The following CPLANE1 variants were observed in gnomAD, a reference collection of about 807,000 sequenced individuals.
The protein encoded by CPLANE1 is ciliogenesis and planar polarity effector complex subunit 1, also known as ciliogenesis and planar polarity effector 1.
Under a neutral mutation model 362.5 loss-of-function variants are expected in CPLANE1, and 263 were observed. The ratio of observed to expected loss-of-function variants is 0.73; its 90% CI spans 0.66 to 0.80. CPLANE1 has a LOEUF of 0.80. Among genes scored for constraint, CPLANE1 ranks in the 30% least tolerant of loss-of-function variants. The pLI, the probability that CPLANE1 is intolerant of heterozygous loss-of-function variation, is 0.00. For synonymous variants in CPLANE1, 1,212 were observed against 1,302.6 expected (o/e 0.93, Z 1.50); for missense variants, 3,461 against 3,793.4 (o/e 0.91, Z 2.30).
At chr5:37,238,827 G>T in intron 8 of CPLANE1, 30 bp downstream of exon 8, 8 of 1,306,596 alleles carry the variant, frequency 6.1e-6, no homozygotes, top group Non-Finnish European at 6.2e-6. Flanking sequence ...AAGAAAAAAA[G>T]AAAAAAAAGA....
Position 37,226,537 on chromosome 5 carries a change from TAAA to T in CPLANE1, c.2055_2057del (p.Leu686del). 6.5e-7 allele frequency: 1 copy of T among 1,548,700 alleles called. No individual in the cohort carries two copies. The highest frequency in any genetic ancestry group is 8.7e-7 in the Non-Finnish European group (1 of 1,145,918). On this transcript the variant is annotated inframe_deletion, in exon 12 of 53. Transcript: ENST00000651892. ...CCATTTTGAGTAAATAAAAACAAGCTAAAAGTTTCTCTGAGAATAACTGACCCT... is the reference window on the plus strand; with the variant it reads ...CCATTTTGAGTAAATAAAAACAAGCTAGTTTCTCTGAGAATAACTGACCCT...
rs752727888 is a variant in CPLANE1 at position 37,121,775 on chromosome 5, G to C, written c.9027C>G (p.Leu3009=). The change falls in exon 49 of 53, where the codon CTC becomes CTG. Residue 3009 remains leucine (L), a synonymous_variant. Transcript: ENST00000651892. ...AGATTCGACGACTATAGTGTTCAGA[G>C]AGCAGCAATCTGTAGACAAAGAATT... ...KMKHEKDRLL[L]SEHYSRRISQ... 1.2e-6 allele frequency: 2 copies of C among 1,613,380 alleles called. No individual in the cohort carries two copies. Among genetic ancestry groups the C allele is most frequent in the Non-Finnish European group, 1.7e-6 (2 of 1,179,406 alleles).
chr5:37,182,580 C>A (rs999970578), intron 26 of CPLANE1, among the ~76,000 whole-genome samples, 180 bp downstream of exon 26: 6 of 151,938 alleles, frequency 3.9e-5, no homozygotes, highest in South Asian at 2.1e-4. Flanking sequence ...TCTGAAAGCA[C>A]TTTATTGTTA....
chr5:37,085,013 C>T, the CPLANE1 span: 3 of 600,714 alleles, frequency 5.0e-6, no homozygotes, highest in Admixed American at 2.8e-5. Context: ...AGAATTCTTA[C>T]ACACACCGGA....
chr5:37,187,908 C>A, intron 21 of CPLANE1, 66 bp from the exon 22 acceptor site: 1 of 1,047,794 alleles, frequency 9.5e-7, no homozygotes, highest in East Asian at 2.6e-5. Flanking sequence ...ATAACAACTC[C>A]AACTCTGCTG....
chr5:37,165,429 T>G (rs1777991838), intron 36 of CPLANE1, 110 bp downstream of exon 36: 1 of 1,007,690 alleles, frequency 9.9e-7, no homozygotes, highest in African/African-American at 1.6e-5. Context: ...ATGAAGATCC[T>G]CCTAGTCACA....
At chr5:37,239,542 C>A (rs1307964271) in intron 7 of CPLANE1, among the ~76,000 whole-genome samples, 171 bp downstream of exon 7, 2 of 139,786 alleles carry the variant, frequency 1.4e-5, no homozygotes, top group African/African-American at 5.4e-5. Flanking sequence ...ATGATCGCAC[C>A]ACTGCACTCC....
chr5:37,107,385 A>T lies in CPLANE1; in HGVS notation c.*217T>A. 4 of 1,248,204 alleles carry T rather than the reference A, an allele frequency of 3.2e-6. No homozygotes were observed. The highest frequency in any genetic ancestry group is 4.0e-6 in the Non-Finnish European group (4 of 993,686). 77.3% of individuals were successfully genotyped at this position (1,248,204 alleles called of 1,614,324 possible). A position where few individuals can be genotyped will look rare whatever the true frequency, so the allele number is the denominator to read the frequency against. On this transcript the variant is annotated 3_prime_UTR_variant, in exon 53 of 53. Transcript: ENST00000651892. ...AATGATGCATCAAATACAAAAACAT[A>T]TAATACATCAATAGTCAACCCTTTC... is the stretch of plus-strand genomic sequence containing the variant.
chr5:37,215,397 C>A (rs2150276880), intron 15 of CPLANE1, among the ~76,000 whole-genome samples: 2 of 152,106 alleles, frequency 1.3e-5, no homozygotes, highest in Non-Finnish European at 2.9e-5. Context: ...TTACTTTATT[C>A]TAAGAATACA....
intron 52 of CPLANE1, 89 bp downstream of exon 52, chr5:37,108,204 A>G: frequency 7.7e-7 from 1 of 1,302,604 alleles, no homozygotes; most frequent in East Asian, 2.3e-5. Context: ...CCCACAAAAA[A>G]CAAACTAAAA....
rs1039516083 is a variant in CPLANE1 at position 37,202,665 on chromosome 5, T to C, written c.3290-857A>G. Among the ~76,000 whole-genome samples, 8 of 152,178 alleles carry C rather than the reference T, an allele frequency of 5.3e-5. No homozygotes were observed. In the South Asian group the frequency reaches 1.2e-3, roughly 24 times the overall value. ...TCAGGGATTTTTCTACTATGAAATATTTTAAGCATACTGTAAAATATAGAA... is the reference window on the plus strand; with the variant it reads ...TCAGGGATTTTTCTACTATGAAATACTTTAAGCATACTGTAAAATATAGAA... On this transcript the variant is annotated intron_variant, in intron 18 of 52. Transcript: ENST00000651892.
chr5:37,159,737 C>A (rs961341420), intron 38 of CPLANE1, among the ~76,000 whole-genome samples: 2 of 152,118 alleles, frequency 1.3e-5, no homozygotes, highest in African/African-American at 4.8e-5. Flanking sequence ...AATAAAAATA[C>A]TGAAATCATT....
chr5:37,215,954 C>T (rs973915008), intron 15 of CPLANE1, among the ~76,000 whole-genome samples: 5 of 151,920 alleles, frequency 3.3e-5, no homozygotes, highest in African/African-American at 1.2e-4. Context: ...GCCTCAGTCT[C>T]CTGAGTAGCT....
At position 37,162,500 on chromosome 5, in the gene CPLANE1, A is replaced by G; in HGVS notation, c.7655T>C (p.Ile2552Thr). Residue 2552 changes from isoleucine (I) to threonine (T), a missense_variant, in exon 38 of 53, where the codon ATA becomes ACA. Around this residue, in one of 2 missense-constraint regions of CPLANE1, gnomAD observed 3,380 missense variants for 3,666.1 expected, o/e 0.92. Coordinates refer to ENST00000651892, the MANE Select transcript of CPLANE1 (RefSeq NM_001384732.1). Reference sequence around the variant, plus strand: ...ATTTGTACTTGCATCTTGACTTCCTATAGCTTTCTTTTTTACAGAGGCCAT... The same window carrying G: ...ATTTGTACTTGCATCTTGACTTCCTGTAGCTTTCTTTTTTACAGAGGCCAT... Reference protein sequence around the residue: ...HFMASVKKKAIGSQDASTNTD... With the variant: ...HFMASVKKKATGSQDASTNTD... 1 of 1,612,828 alleles carries G rather than the reference A, an allele frequency of 6.2e-7. No homozygotes were observed. The highest frequency in any genetic ancestry group is 8.5e-7 in the Non-Finnish European group (1 of 1,179,088).
intron 19 of CPLANE1, 121 bp downstream of exon 19, chr5:37,201,470 A>T: frequency 1.4e-6 from 1 of 722,276 alleles, no homozygotes; most frequent in Non-Finnish European, 2.3e-6. Flanking sequence ...CAAAGCTGGG[A>T]TCTATACGTT....
At position 37,169,277 on chromosome 5, in the gene CPLANE1, A is replaced by G; in HGVS notation, c.6747T>C (p.Val2249=). ...TTGGTTGTGGCAAAGGCCTGAAGGG[A>G]ACTTGTGGAATACTTCCTGTATGTA... ...LFLHTGSIPQ[V]PFRPLPQPRE... Residue 2249 remains valine (V), a synonymous_variant, in exon 34 of 53, where the codon GTT becomes GTC. Transcript: ENST00000651892. 7 of 1,614,188 alleles carry G rather than the reference A, an allele frequency of 4.3e-6. No individual in the cohort carries two copies. The highest frequency in any genetic ancestry group is 4.0e-5 in the African/African-American group (3 of 75,044).
chr5:37,114,822 C>T (rs1760437109), intron 51 of CPLANE1, 138 bp downstream of exon 51: 1 of 576,036 alleles, frequency 1.7e-6, no homozygotes, highest in African/African-American at 1.9e-5. Context: ...ATCACTTGAA[C>T]CCGGGAGTGG....
the CPLANE1 span, among the ~76,000 whole-genome samples, chr5:37,091,581 C>T: frequency 6.6e-6 from 1 of 152,152 alleles, no homozygotes; most frequent in African/African-American, 2.4e-5. Context: ...TGGCACAAGC[C>T]TTATTTACCC....
intron 51 of CPLANE1, among the ~76,000 whole-genome samples, chr5:37,111,684 C>T (rs1184859423): frequency 6.6e-6 from 1 of 152,102 alleles, no homozygotes; most frequent in Non-Finnish European, 1.5e-5. Flanking sequence ...ACTGTAATAT[C>T]CAATGTGAGA....
Sources: gnomAD v4.1 joint callset for allele counts (sites outside exome capture counted in the v4.1 genomes callset) on GRCh38, gnomAD v4.1.1 for gene constraint, gnomAD v4.1.1 regional missense constraint, MANE v1.5 for transcripts, NCBI Gene and HGNC (gene_info 2026-07-23, HGNC 2026-07-21) for gene names.